The following CELF5 variants were observed in gnomAD, a reference collection of about 807,000 sequenced individuals.
CELF5 encodes the protein CUGBP Elav-like family member 5.
CELF5 carries 6 observed loss-of-function variants against 54.9 expected under a neutral mutation model. The ratio of observed to expected loss-of-function variants is 0.11; its 90% confidence interval spans 0.06 to 0.22. The LOEUF (loss-of-function observed/expected upper bound fraction) is 0.22, where lower values mean the gene tolerates loss of function less well. CELF5 is among the 10% of genes least tolerant of loss of function. The pLI, the probability that CELF5 is intolerant of heterozygous loss-of-function variation, is 1.00. For synonymous variants in CELF5, 271 were observed against 290.9 expected, an observed-to-expected ratio of 0.93 and a Z score of 0.70; for missense variants, 401 against 678.6, an observed-to-expected ratio of 0.59 and a Z score of 4.54.
intron 11 of CELF5, among the ~76,000 whole-genome samples, chr19:3,291,629 C>T (rs1279358086): frequency 6.7e-6 from 1 of 148,220 alleles, no homozygotes; most frequent in Admixed American, 6.7e-5. Flanking sequence ...CATGGGAAAT[C>T]TGGGGGAAGA....
chr19:3,285,888 GC>G, intron 9 of CELF5, 53 bp from the exon 10 acceptor site: 1 of 707,808 alleles, frequency 1.4e-6, no homozygotes, highest in South Asian at 3.2e-5. Flanking sequence ...GGCCCAGGCC[GC>G]CCACGTGGCC....
At chr19:3,264,974 A>C (rs2079861215) in intron 2 of CELF5, among the ~76,000 whole-genome samples, 1 of 152,064 alleles carries the variant, frequency 6.6e-6, no homozygotes. Flanking sequence ...TCCGCCTCCC[A>C]AAGTGCTGGG....
intron 1 of CELF5, among the ~76,000 whole-genome samples, chr19:3,226,476 A>ACACACACACACG (rs1555715644): frequency 6.6e-6 from 1 of 150,976 alleles, no homozygotes; most frequent in Non-Finnish European, 1.5e-5. Context: ...ACACACACAC[A>ACACACACACACG]AAATTGGGCC....
intron 1 of CELF5, among the ~76,000 whole-genome samples, chr19:3,240,951 G>A (rs1336109122): frequency 2.6e-5 from 4 of 152,098 alleles, no homozygotes; most frequent in Admixed American, 2.6e-4. Flanking sequence ...TATCCATTGA[G>A]CAGATCTCAT....
chr19:3,263,027 C>T (rs1187392917), intron 2 of CELF5, among the ~76,000 whole-genome samples: 1 of 151,318 alleles, frequency 6.6e-6, no homozygotes, highest in Non-Finnish European at 1.5e-5. Flanking sequence ...GGGCAGATCA[C>T]CTGAGGTCAG....
intron 1 of CELF5, among the ~76,000 whole-genome samples, chr19:3,248,853 T>TCTTCCTTCCTTCCTTCCTTCCTTC (rs56977899): frequency 2.5e-5 from 3 of 118,912 alleles, no homozygotes; most frequent in South Asian, 2.9e-4. Context: ...TTTCTTTCTT[T>TCTTCCTTCCTTCCTTCCTTCCTTC]CTTCCTTCCT....
In CELF5 at chr19:3,245,273, CTGTG is replaced by C. The variant is rs113656652; in HGVS notation, c.260-5705_260-5702del. Among the ~76,000 whole-genome samples, 795 of 131,152 alleles carry C rather than the reference CTGTG, an allele frequency of 6.1e-3. 4 individuals carry two copies. Among genetic ancestry groups the C allele is most frequent in the Middle Eastern group, 0.04 (7 of 176 alleles). 86.0% of individuals were successfully genotyped at this position (131,152 alleles called of 152,430 possible). A position where few individuals can be genotyped will look rare whatever the true frequency, so the allele number is the denominator to read the frequency against. The stretch of plus-strand genomic sequence containing the variant: ...GTGTATGTGGTGTGTGTATGCATCT[CTGTG>C]TGTGTGCGTGTGTGTTTGCATCTGT... On this transcript the variant is annotated intron_variant, in intron 1 of 12. Transcript: ENST00000292672.
chr19:3,291,690 C>T (rs1014125305), intron 11 of CELF5, among the ~76,000 whole-genome samples: 13 of 150,678 alleles, frequency 8.6e-5, no homozygotes, highest in Non-Finnish European at 1.5e-4. Context: ...GGCAGGACGG[C>T]GCCTGACATG....
chr19:3,234,325 C>T lies in CELF5; in HGVS notation c.259+9327C>T, dbSNP rs371749107. Among the ~76,000 whole-genome samples the T allele has an allele frequency of 5.9e-5, 9 of 152,198 alleles. No individual in the cohort carries two copies. In the South Asian group the frequency reaches 1.5e-3, roughly 25 times the overall value. On this transcript the variant is annotated intron_variant, in intron 1 of 12. Coordinates refer to ENST00000292672, the MANE Select transcript of CELF5 (RefSeq NM_021938.4). ...TGTTGCTAAGGCTGGTCTCAAACTCCTGGGCTCAAGCAATCTTCCCGCCTT... is the reference window on the plus strand; with the variant it reads ...TGTTGCTAAGGCTGGTCTCAAACTCTTGGGCTCAAGCAATCTTCCCGCCTT...
rs766206833 is a variant in CELF5 at position 3,285,984 on chromosome 19, T to A, written c.1145T>A (p.Val382Asp). The part of the protein sequence containing the change: ...TAAITPIAHS[V>D]PQPPPLLQQQ... ...GCCATCACGCCCATCGCGCACAGCG[T>A]CCCCCAGCCGCCGCCCCTCCTGCAG... is the stretch of plus-strand genomic sequence containing the variant. Residue 382 changes from valine to aspartate, a missense_variant, in exon 10 of 13, where the codon GTC becomes GAC. By Grantham distance (152) the Val-to-Asp change is radical (BLOSUM62 -3). This residue lies in a region of CELF5 where 143 missense variants were observed against 147.6 expected (regional missense o/e 0.97). Transcript: ENST00000292672. The A allele has an allele frequency of 6.3e-7, 1 of 1,581,664 alleles. No individual in the cohort carries two copies. Among genetic ancestry groups the A allele is most frequent in the South Asian group, 1.1e-5 (1 of 88,452 alleles).
chr19:3,285,715 A>G (rs1335166498), intron 9 of CELF5, among the ~76,000 whole-genome samples: 1 of 44,312 alleles, frequency 2.3e-5, no homozygotes, highest in East Asian at 7.7e-4. Context: ...GCCCTCCACC[A>G]TGGCCCCGCC....
intron 1 of CELF5, among the ~76,000 whole-genome samples, chr19:3,250,009 C>T (rs956678483): frequency 1.3e-5 from 2 of 152,170 alleles, no homozygotes; most frequent in African/African-American, 4.8e-5. Flanking sequence ...ACCTCCTCTC[C>T]CTCTTCCTGG....
rs750538164 is a variant in CELF5, at chr19:3,282,080, T to C, written c.751-46T>C. 2.4e-5 allele frequency: 38 copies of C among 1,610,690 alleles called. No individual in the cohort carries two copies. The highest frequency in any genetic ancestry group is 3.1e-5 in the Non-Finnish European group (37 of 1,177,542). The stretch of plus-strand genomic sequence containing the variant: ...CCAAGCCTCCCCTCATAAGCCATGA[T>C]CTCAGGGCAGATATCACCCCAACTG... On this transcript the variant is annotated intron_variant, in intron 6 of 12. Coordinates refer to ENST00000292672, the MANE Select transcript of CELF5 (RefSeq NM_021938.4). This position sits in a 1 kb window ranked among gnomAD's most constrained non-coding sequence, Gnocchi z 5.2.
At chr19:3,272,037 C>T (rs1471516517) in intron 2 of CELF5, among the ~76,000 whole-genome samples, 3 of 152,192 alleles carry the variant, frequency 2.0e-5, no homozygotes, top group Admixed American at 2.0e-4. Flanking sequence ...TTGCACCTCT[C>T]TCTGAAGCTT....
At chr19:3,243,927 A>T (rs1466960834) in intron 1 of CELF5, among the ~76,000 whole-genome samples, 1 of 151,630 alleles carries the variant, frequency 6.6e-6, no homozygotes, top group Non-Finnish European at 1.5e-5. Context: ...ATCAGGGCCC[A>T]CCCTGATGAC....
At chr19:3,293,715 G>A in intron 12 of CELF5, 2 of 440,970 alleles carry the variant, frequency 4.5e-6, no homozygotes, top group Non-Finnish European at 8.3e-6. Flanking sequence ...ACTGAGGTGA[G>A]CCAGGGCCCA....
At chr19:3,260,781 A>C (rs1253664745) in intron 2 of CELF5, among the ~76,000 whole-genome samples, 1 of 151,378 alleles carries the variant, frequency 6.6e-6, no homozygotes, top group East Asian at 2.0e-4. Context: ...CGCCACCATG[A>C]CCGGCTAATT....
rs1393471122 is a variant in CELF5, at chr19:3,275,836, G to A, written c.395-20G>A. On this transcript the variant is annotated intron_variant, in intron 3 of 12. Transcript: ENST00000292672. This position sits in a 1 kb window ranked among gnomAD's most constrained non-coding sequence, Gnocchi z 6.7. The stretch of plus-strand genomic sequence containing the variant: ...CCCGGAGGCCGGGGACTCGGCTGAG[G>A]TGGGTGTCGCCGCCCACAGGGGACC... The A allele has an allele frequency of 6.3e-7, 1 of 1,599,666 alleles. No individual in the cohort carries two copies. The highest frequency in any genetic ancestry group is 2.2e-5 in the East Asian group (1 of 44,468).
At chr19:3,291,932 C>G (rs1568367898) in intron 11 of CELF5, among the ~76,000 whole-genome samples, 1 of 151,466 alleles carries the variant, frequency 6.6e-6, no homozygotes, top group Non-Finnish European at 1.5e-5. Context: ...GAACCAGACT[C>G]TTTTTTTTTG....
Sources: allele counts gnomAD v4.1 joint callset (sites outside exome capture counted in the v4.1 genomes callset), GRCh38; gene constraint gnomAD v4.1.1; regional missense constraint gnomAD v4.1.1; non-coding constraint Gnocchi (gnomAD v3.1); transcripts MANE v1.5; gene names NCBI Gene and HGNC (gene_info 2026-07-23, HGNC 2026-07-21).